Variants in ZFTRAF1 observed in about 807,000 individuals in gnomAD.
ZFTRAF1 encodes the protein zinc finger TRAF-type-containing protein 1.
chr8:144,460,988 A>G, the ZFTRAF1 span, among the ~76,000 whole-genome samples: 12 of 152,236 alleles, frequency 7.9e-5, no homozygotes, highest in African/African-American at 2.9e-4. Context: ...TGCCAAAGCC[A>G]AGGAGTAACT....
the ZFTRAF1 span, among the ~76,000 whole-genome samples, chr8:144,452,848 C>T: frequency 7.5e-4 from 115 of 152,334 alleles, no homozygotes; most frequent in African/African-American, 2.5e-3. Flanking sequence ...GGTGGTCCTG[C>T]ACAGCCTCAC....
the ZFTRAF1 span, chr8:144,454,265 G>A: frequency 6.6e-6 from 1 of 152,320 alleles, no homozygotes; most frequent in Non-Finnish European, 1.5e-5. Flanking sequence ...TCCACTTGGT[G>A]CCACTGAGAG....
chr8:144,461,850 G>A, the ZFTRAF1 span, among the ~76,000 whole-genome samples: 1 of 152,152 alleles, frequency 6.6e-6, no homozygotes, highest in South Asian at 2.1e-4. Context: ...GGAAGAATGG[G>A]GAAGGAGCTC....
chr8:144,450,351 G>A, the ZFTRAF1 span: 3 of 704,836 alleles, frequency 4.3e-6, no homozygotes. Flanking sequence ...GCCGCCCGTG[G>A]GCTCCTCGGA....
At chr8:144,450,225 G>A in the ZFTRAF1 span, 2 of 598,598 alleles carry the variant, frequency 3.3e-6, no homozygotes, top group South Asian at 2.0e-5. Flanking sequence ...GCCCCGTCGC[G>A]CACGCATGCA....
At chr8:144,460,568 TG>T in the ZFTRAF1 span, among the ~76,000 whole-genome samples, 1 of 152,192 alleles carries the variant, frequency 6.6e-6, no homozygotes, top group Admixed American at 6.5e-5. Context: ...CTTGGCTTGT[TG>T]GAGTCTCCCT....
chr8:144,461,230 C>G, the ZFTRAF1 span, among the ~76,000 whole-genome samples: 1 of 152,218 alleles, frequency 6.6e-6, no homozygotes, highest in Admixed American at 6.5e-5. Context: ...ATCCAGGCCC[C>G]CAATTCAAAC....
chr8:144,454,368 A>AC, the ZFTRAF1 span: 1 of 152,270 alleles, frequency 6.6e-6, no homozygotes, highest in Non-Finnish European at 1.5e-5. Flanking sequence ...GAACAAACAA[A>AC]GCCTTTTGTA....
At chr8:144,452,830 T>C in the ZFTRAF1 span, among the ~76,000 whole-genome samples, 2 of 152,306 alleles carry the variant, frequency 1.3e-5, no homozygotes, top group Non-Finnish European at 2.9e-5. Context: ...TCTCCTCTGT[T>C]TGGCAGTGGT....
the ZFTRAF1 span, among the ~76,000 whole-genome samples, chr8:144,461,173 G>A: frequency 1.3e-5 from 2 of 152,148 alleles, no homozygotes; most frequent in Admixed American, 6.5e-5. Flanking sequence ...TTGGAGAAAT[G>A]GCAACCTAGA....
At chr8:144,459,720 G>A in the ZFTRAF1 span, among the ~76,000 whole-genome samples, 1 of 152,194 alleles carries the variant, frequency 6.6e-6, no homozygotes, top group South Asian at 2.1e-4. Flanking sequence ...CCCAGTGCCA[G>A]GGAGAACACA....
chr8:144,459,225 G>T, the ZFTRAF1 span, among the ~76,000 whole-genome samples: 1 of 152,366 alleles, frequency 6.6e-6, no homozygotes, highest in East Asian at 1.9e-4. Flanking sequence ...GGGCCGCAGA[G>T]CAGGGAGCCG....
chr8:144,458,832 G>A, the ZFTRAF1 span, among the ~76,000 whole-genome samples: 1 of 152,344 alleles, frequency 6.6e-6, no homozygotes, highest in African/African-American at 2.4e-5. Context: ...TCAGGCAGGA[G>A]AGCATGGGAA....
the ZFTRAF1 span, chr8:144,452,550 T>G: frequency 6.5e-7 from 1 of 1,538,058 alleles, no homozygotes. Flanking sequence ...GCCGATGCGT[T>G]TGTACTTGCA....
At chr8:144,451,128 C>T in the ZFTRAF1 span, 3 of 231,518 alleles carry the variant, frequency 1.3e-5, no homozygotes, top group Non-Finnish European at 2.6e-5. Context: ...GATGCGGTTC[C>T]GAGAACAAGT....
chr8:144,457,435 G>C, the ZFTRAF1 span: 1 of 152,208 alleles, frequency 6.6e-6, no homozygotes, highest in African/African-American at 2.4e-5. Flanking sequence ...AGGCAGACAG[G>C]AAATATCACC....
the ZFTRAF1 span, chr8:144,462,462 G>A: frequency 4.5e-6 from 1 of 221,178 alleles, no homozygotes; most frequent in Non-Finnish European, 8.5e-6. Context: ...TCCTGCAGCT[G>A]TAGCTGCCGG....
chr8:144,459,219 C>T, the ZFTRAF1 span, among the ~76,000 whole-genome samples: 225 of 152,346 alleles, frequency 1.5e-3, no homozygotes, highest in Middle Eastern at 3.4e-3. Context: ...GCCCTCGGGC[C>T]GCAGAGCAGG....
the ZFTRAF1 span, among the ~76,000 whole-genome samples, chr8:144,459,759 C>T: frequency 2.0e-5 from 3 of 152,258 alleles, no homozygotes; most frequent in Middle Eastern, 3.2e-3. Flanking sequence ...CTCCCCTCTT[C>T]TCACCAGAGT....
Sources: allele counts gnomAD v4.1 joint callset (sites outside exome capture counted in the v4.1 genomes callset), GRCh38; gene constraint gnomAD v4.1.1; transcripts MANE v1.5; gene names NCBI Gene and HGNC (gene_info 2026-07-23, HGNC 2026-07-21).